Variants in PPP1R14C observed in about 807,000 individuals in gnomAD.
PPP1R14C encodes the protein protein phosphatase 1 regulatory subunit 14C.
Under a neutral mutation model 20.4 loss-of-function variants are expected in PPP1R14C, and 16 were observed. The observed-to-expected ratio is 0.78, with a 90% CI of 0.53 to 1.19. The LOEUF is 1.19. Ranked by LOEUF, PPP1R14C falls within the 50% of genes most tolerant of loss-of-function variation. The pLI, the probability that PPP1R14C is intolerant of heterozygous loss-of-function variation, is 0.00. For synonymous variants in PPP1R14C, 91 were observed against 91.0 expected (o/e 1.00, Z 0.00); for missense variants, 211 against 220.1 (o/e 0.96, Z 0.26).
At chr6:150,214,599 C>G (rs546951872) in intron 1 of PPP1R14C, 145 bp from the exon 2 acceptor site, 3 of 576,272 alleles carry the variant, frequency 5.2e-6, no homozygotes, top group Admixed American at 6.9e-5. Context: ...TCCCTCCTCT[C>G]CCCCTAGCCT....
intron 1 of PPP1R14C, among the ~76,000 whole-genome samples, chr6:150,198,894 C>T (rs1777843080): frequency 6.6e-6 from 1 of 152,224 alleles, no homozygotes; most frequent in Non-Finnish European, 1.5e-5. Flanking sequence ...TAGCACAGTG[C>T]CCTGCCTGCA....
intron 2 of PPP1R14C, among the ~76,000 whole-genome samples, chr6:150,215,686 A>G (rs1394322813): frequency 2.0e-5 from 3 of 152,230 alleles, no homozygotes; most frequent in East Asian, 3.8e-4. Context: ...TAGTTATAAA[A>G]TTTTAAAAAG....
intron 1 of PPP1R14C, among the ~76,000 whole-genome samples, chr6:150,193,972 T>C (rs185186521): frequency 5.3e-5 from 8 of 152,270 alleles, no homozygotes; most frequent in Admixed American, 2.6e-4. Context: ...TGGGAGATCA[T>C]TGAATCATGG....
intron 1 of PPP1R14C, among the ~76,000 whole-genome samples, chr6:150,168,205 G>A (rs1777454586): frequency 8.0e-6 from 1 of 125,186 alleles, no homozygotes; most frequent in South Asian, 2.7e-4. Flanking sequence ...GTGAGTTGCT[G>A]GTGAAAGTTT....
chr6:150,222,853 C>T (rs1778186785), intron 3 of PPP1R14C, among the ~76,000 whole-genome samples: 1 of 133,000 alleles, frequency 7.5e-6, no homozygotes, highest in South Asian at 2.6e-4. Context: ...CTCACTGCAA[C>T]CTCTGCCTTC....
intron 1 of PPP1R14C, among the ~76,000 whole-genome samples, chr6:150,196,738 T>C (rs1291501763): frequency 6.6e-6 from 1 of 152,206 alleles, no homozygotes; most frequent in Non-Finnish European, 1.5e-5. Flanking sequence ...CTGTGACTTG[T>C]GATCTGATTT....
chr6:150,206,746 C>T (rs1777956403), intron 1 of PPP1R14C, among the ~76,000 whole-genome samples: 1 of 152,190 alleles, frequency 6.6e-6, no homozygotes, highest in Admixed American at 6.5e-5. Flanking sequence ...GACCTGCTCT[C>T]CTGGGTGACA....
chr6:150,168,898 A>G (rs1777467411), intron 1 of PPP1R14C, among the ~76,000 whole-genome samples: 1 of 152,082 alleles, frequency 6.6e-6, no homozygotes, highest in South Asian at 2.1e-4. Context: ...ATTATTTGAG[A>G]CAGATTCTCA....
At position 150,214,828 on chromosome 6, in the gene PPP1R14C, G is replaced by A. The variant is rs1284968734; in HGVS notation, c.390+1G>A. 2 of 1,605,474 alleles carry A rather than the reference G, an allele frequency of 1.2e-6. No homozygotes were observed. The highest frequency in any genetic ancestry group is 1.7e-5 in the Admixed American group (1 of 59,028). ...TGAAGAGAGAGCTTCAAAATTACAG[G>A]TAAGCAGTTTCCAAAATTGAGAACC... On this transcript the variant is annotated splice_donor_variant, in intron 2 of 3. Coordinates refer to ENST00000361131, the MANE Select transcript of PPP1R14C (RefSeq NM_030949.3). LOFTEE classifies it high-confidence loss of function.
At chr6:150,186,791 A>C (rs1417977852) in intron 1 of PPP1R14C, among the ~76,000 whole-genome samples, 1 of 152,098 alleles carries the variant, frequency 6.6e-6, no homozygotes, top group Admixed American at 6.5e-5. Flanking sequence ...GAGAAAGTTC[A>C]GGAAATGGAT....
intron 1 of PPP1R14C, among the ~76,000 whole-genome samples, chr6:150,170,467 G>T (rs1023665534): frequency 1.3e-5 from 2 of 151,964 alleles, no homozygotes; most frequent in Non-Finnish European, 2.9e-5. Context: ...GACTACAGGC[G>T]ACTGCCACCA....
At chr6:150,223,990 A>G (rs1218129367) in intron 3 of PPP1R14C, among the ~76,000 whole-genome samples, 1 of 152,164 alleles carries the variant, frequency 6.6e-6, no homozygotes, top group Non-Finnish European at 1.5e-5. Context: ...TGCACTTTAC[A>G]TTAGGTCCAT....
At position 150,143,120 on chromosome 6, in the gene PPP1R14C, A is replaced by G; in HGVS notation, c.-73A>G. Reference sequence around the variant, plus strand: ...CCTTCGCATGCGGCTGCCGGGCCGGAGGTGGTAGCGGCGCCGGGCGCGCTC... The same window carrying G: ...CCTTCGCATGCGGCTGCCGGGCCGGGGGTGGTAGCGGCGCCGGGCGCGCTC... On this transcript the variant is annotated 5_prime_UTR_variant, in exon 1 of 4. Coordinates refer to ENST00000361131, the MANE Select transcript of PPP1R14C (RefSeq NM_030949.3). The surrounding 1 kb of genome is among the most constrained non-coding windows in gnomAD (Gnocchi z 5.6). 9.4e-6 allele frequency: 11 copies of G among 1,169,240 alleles called. No individual in the cohort carries two copies. The highest frequency in any genetic ancestry group is 1.1e-5 in the Non-Finnish European group (10 of 951,508). The allele number at this position is 1,169,240 out of a possible 1,614,324, so 72.4% of individuals were successfully genotyped here.
rs749577379 is a variant in PPP1R14C at position 150,164,137 on chromosome 6, G to A, written c.306+20639G>A. 2.0e-5 allele frequency among the ~76,000 whole-genome samples: 3 copies of A among 152,166 alleles called. No individual in the cohort carries two copies. The East Asian group carries it at 5.8e-4, about 29-fold the overall frequency. On this transcript the variant is annotated intron_variant, in intron 1 of 3. Coordinates refer to ENST00000361131, the MANE Select transcript of PPP1R14C (RefSeq NM_030949.3). ...TTTACCTGATGGCTAGTCAAGTCCA[G>A]CCCCTTTTCATATGTTTACTGGCCT...
At chr6:150,152,119 CAAAAAAAAAAAAAAA>C (rs577869928) in intron 1 of PPP1R14C, among the ~76,000 whole-genome samples, 6 of 84,948 alleles carry the variant, frequency 7.1e-5, no homozygotes, top group Non-Finnish European at 1.7e-4. Flanking sequence ...GACTCCGTCT[CAAAAAAAAAAAAAAA>C]AAAAAAAAAA....
intron 1 of PPP1R14C, among the ~76,000 whole-genome samples, chr6:150,171,713 A>G (rs1026130155): frequency 1.3e-5 from 2 of 152,218 alleles, no homozygotes; most frequent in Non-Finnish European, 1.5e-5. Flanking sequence ...GACATATTTT[A>G]TTTAAGTAGG....
chr6:150,202,133 C>G (rs898188610), intron 1 of PPP1R14C, among the ~76,000 whole-genome samples: 8 of 152,170 alleles, frequency 5.3e-5, no homozygotes, highest in Non-Finnish European at 8.8e-5. Context: ...GCTCCTCTCT[C>G]GCCTCTCTGC....
At chr6:150,240,507 A>T (rs7754808) in intron 3 of PPP1R14C, among the ~76,000 whole-genome samples, 74,852 of 152,064 alleles carry the variant, frequency 0.49, 20,279 homozygotes, top group African/African-American at 0.73. Context: ...GACCCTATGT[A>T]AATGAAGTAG....
intron 3 of PPP1R14C, among the ~76,000 whole-genome samples, chr6:150,241,793 A>G (rs1355351433): frequency 6.6e-6 from 1 of 152,208 alleles, no homozygotes; most frequent in Non-Finnish European, 1.5e-5. Flanking sequence ...AAGCTGAGGC[A>G]CAAGAATCGC....
Sources: gnomAD v4.1 joint callset for allele counts (sites outside exome capture counted in the v4.1 genomes callset) on GRCh38, gnomAD v4.1.1 for gene constraint, Gnocchi (gnomAD v3.1) non-coding constraint, MANE v1.5 for transcripts, NCBI Gene and HGNC (gene_info 2026-07-23, HGNC 2026-07-21) for gene names.